Variants in BBS12 observed in about 807,000 individuals in gnomAD.
BBS12 encodes the protein Bardet-Biedl syndrome 12.
BBS12 carries 5 observed loss-of-function variants against 5.6 expected under a neutral mutation model. That is an observed-to-expected ratio of 0.89 (90% CI 0.46 to 1.86). The LOEUF (loss-of-function observed/expected upper bound fraction) is 1.86. Among genes scored for constraint, BBS12 ranks in the 40% most tolerant of loss-of-function variants. The pLI is 0.01. For synonymous variants in BBS12, 308 were observed against 306.8 expected (o/e 1.00, Z -0.04); for missense variants, 748 against 830.4 (o/e 0.90, Z 1.22).
Position 122,743,032 on chromosome 4 carries a change from A to C in BBS12, c.1140A>C (p.Thr380=), listed in dbSNP as rs148225434. The change falls in exon 2 of 2, where the codon ACA becomes ACC. Residue 380 remains threonine (T), a synonymous_variant. Transcript: ENST00000314218. ...TTAATAAGTCTGCAAATATTAAAAC[A>C]GTATTAGATAGCATGCGGCTTCAAG... The part of the protein sequence containing the change: ...LGFNKSANIK[T]VLDSMRLQED... 2.5e-6 allele frequency: 4 copies of C among 1,614,154 alleles called. No homozygotes were observed. In the African/African-American group the frequency reaches 5.3e-5, roughly 22 times the overall value.
At chr4:122,729,054 T>G (rs1280001841), upstream of BBS12, 2 of 152,288 alleles carry the variant, frequency 1.3e-5, no homozygotes, top group African/African-American at 4.8e-5. Context: ...CCTAGTGGAC[T>G]TCAGTCTCCC....
intron 1 of BBS12, among the ~76,000 whole-genome samples, chr4:122,736,567 C>A (rs1268216292): frequency 6.6e-6 from 1 of 152,062 alleles, no homozygotes; most frequent in Non-Finnish European, 1.5e-5. Flanking sequence ...TCTGCTCTTC[C>A]ATTACACACT....
chr4:122,734,557 C>T (rs1015333065), intron 1 of BBS12, among the ~76,000 whole-genome samples: 1 of 152,100 alleles, frequency 6.6e-6, no homozygotes, highest in East Asian at 1.9e-4. Flanking sequence ...TGAGCAACTG[C>T]GCCCGGCCAT....
chr4:122,716,597 G>GTA, the BBS12 span, among the ~76,000 whole-genome samples: 157 of 117,948 alleles, frequency 1.3e-3, no homozygotes, highest in African/African-American at 5.6e-3. Flanking sequence ...ACATATGTAT[G>GTA]TATACACACA....
the BBS12 span, among the ~76,000 whole-genome samples, chr4:122,712,355 G>A: frequency 0.089 from 13,603 of 152,248 alleles, 1,622 homozygotes; most frequent in African/African-American, 0.27. Context: ...ATTACTTGCA[G>A]CATAATGGGA....
upstream of BBS12, chr4:122,730,581 C>G (rs1159869421): frequency 2.6e-5 from 4 of 152,244 alleles, no homozygotes; most frequent in African/African-American, 9.7e-5. Context: ...ACTCTCAAAA[C>G]ATCTTCCTCG....
At chr4:122,734,941 T>A (rs1800764047) in intron 1 of BBS12, among the ~76,000 whole-genome samples, 1 of 151,940 alleles carries the variant, frequency 6.6e-6, no homozygotes, top group Non-Finnish European at 1.5e-5. Flanking sequence ...ATCTCCCAAA[T>A]GTATTTAATG....
intron 1 of BBS12, among the ~76,000 whole-genome samples, chr4:122,735,905 A>G (rs1278663528): frequency 1.3e-5 from 2 of 152,214 alleles, no homozygotes; most frequent in East Asian, 3.8e-4. Context: ...GTACAGAGGG[A>G]AAAGAGGATT....
At chr4:122,720,726 G>T in the BBS12 span, among the ~76,000 whole-genome samples, 1 of 151,990 alleles carries the variant, frequency 6.6e-6, no homozygotes, top group African/African-American at 2.4e-5. Context: ...AAGAAATACT[G>T]GCTCTAAAAA....
upstream of BBS12, chr4:122,730,478 T>A (rs970269671): frequency 6.6e-6 from 1 of 152,218 alleles, no homozygotes; most frequent in African/African-American, 2.4e-5. Flanking sequence ...TACATTCAGA[T>A]ATTAAATTAT....
chr4:122,734,367 G>A (rs1421637918), intron 1 of BBS12, among the ~76,000 whole-genome samples: 1 of 151,782 alleles, frequency 6.6e-6, no homozygotes, highest in Non-Finnish European at 1.5e-5. Context: ...CCGGGTTCTC[G>A]CCGTTCTTCT....
At chr4:122,714,485 C>A in the BBS12 span, among the ~76,000 whole-genome samples, 1 of 123,152 alleles carries the variant, frequency 8.1e-6, no homozygotes, top group Non-Finnish European at 1.6e-5. Context: ...CCTAATAATA[C>A]AATTACAGAA....
At chr4:122,706,681 C>T in the BBS12 span, among the ~76,000 whole-genome samples, 1 of 152,112 alleles carries the variant, frequency 6.6e-6, no homozygotes, top group African/African-American at 2.4e-5. Context: ...TGAATGCAAC[C>T]TTCTTTCATG....
chr4:122,742,738 CA>C lies in BBS12; in HGVS notation c.847del (p.Met283Ter). ...GCTTGAGTCATGGAGATCACAGCAG[CA>C]TGAAGTTAGTAGAAGAAGCAGTACA... Reference protein sequence around the residue: ...VGLSHGDHSSMKLVEEAVQLQ... With the variant: ...VGLSHGDHSSXKLVEEAVQLQ... On this transcript the variant is annotated frameshift_variant, in exon 2 of 2. Transcript: ENST00000314218. LOFTEE classifies it low-confidence loss of function (END_TRUNC). 6.2e-7 allele frequency: 1 copy of C among 1,614,210 alleles called. No homozygotes were observed. The highest frequency in any genetic ancestry group is 1.1e-5 in the South Asian group (1 of 91,088).
At chr4:122,712,498 A>G in the BBS12 span, among the ~76,000 whole-genome samples, 1 of 152,248 alleles carries the variant, frequency 6.6e-6, no homozygotes, top group Admixed American at 6.5e-5. Context: ...CTTAATTGCA[A>G]TGGTTGAGCA....
At chr4:122,714,207 A>C in the BBS12 span, among the ~76,000 whole-genome samples, 1 of 152,150 alleles carries the variant, frequency 6.6e-6, no homozygotes, top group African/African-American at 2.4e-5. Context: ...CTGCCACATG[A>C]AGACACAGTG....
the BBS12 span, among the ~76,000 whole-genome samples, chr4:122,724,464 C>T: frequency 1.3e-5 from 2 of 152,190 alleles, no homozygotes; most frequent in Non-Finnish European, 2.9e-5. Context: ...ATTCTGTGAT[C>T]TTTGACTAAA....
rs534085203 is a variant in BBS12, at chr4:122,736,129, G to C, written c.-11+3245G>C. On this transcript the variant is annotated intron_variant, in intron 1 of 1. Coordinates refer to ENST00000314218, the MANE Select transcript of BBS12 (RefSeq NM_152618.3). ...AAGGGATAAAATAGTAAGTGATAAAGTCAGAAGGGTAAAGAAAGGACTGCA... is the reference window on the plus strand; with the variant it reads ...AAGGGATAAAATAGTAAGTGATAAACTCAGAAGGGTAAAGAAAGGACTGCA... Among the ~76,000 whole-genome samples the C allele has an allele frequency of 3.3e-5, 5 of 152,308 alleles. No homozygotes were observed. The East Asian group carries it at 5.8e-4, about 18-fold the overall frequency.
the BBS12 span, among the ~76,000 whole-genome samples, chr4:122,710,605 T>C: frequency 3.9e-5 from 6 of 152,008 alleles, no homozygotes; most frequent in South Asian, 2.1e-4. Flanking sequence ...CTGACAGTTA[T>C]GGAAAGAAGA....
Sources: allele counts gnomAD v4.1 joint callset (sites outside exome capture counted in the v4.1 genomes callset), GRCh38; gene constraint gnomAD v4.1.1; transcripts MANE v1.5; gene names NCBI Gene and HGNC (gene_info 2026-07-23, HGNC 2026-07-21).